The following APAF1 variants were observed in gnomAD, a reference collection of about 807,000 sequenced individuals.
APAF1 encodes apoptotic protease-activating factor 1.
In APAF1, 91 loss-of-function variants were observed where a neutral mutation model predicts 152.4. The observed-to-expected ratio is 0.60, with a 90% CI of 0.50 to 0.71. The LOEUF is 0.71. APAF1 is among the 30% of genes least tolerant of loss of function. The probability of loss-of-function intolerance (pLI) is 0.00; values close to 1 mark genes in which losing one functional copy is unlikely to be tolerated. For synonymous variants in APAF1, 484 were observed against 494.1 expected, an observed-to-expected ratio of 0.98 and a Z score of 0.27; for missense variants, 1,283 against 1,472.0, an observed-to-expected ratio of 0.87 and a Z score of 2.10.
chr12:98,732,427 A>C lies in APAF1; in HGVS notation c.3608A>C (p.Asn1203Thr). The C allele has an allele frequency of 6.2e-7, 1 of 1,613,468 alleles. No homozygotes were observed. Among genetic ancestry groups the C allele is most frequent in the South Asian group, 1.1e-5 (1 of 91,070 alleles). ...TTATTTTTCTCTGAACAGTGGTGGA[A>C]CGTTGTCACTGGGGAATCCTCACAG... The part of the protein sequence containing the change: ...ISAGGYIKWW[N>T]VVTGESSQTF... Residue 1203 changes from asparagine (N) to threonine (T), a missense_variant, in exon 27 of 27, where the codon AAC becomes ACC. Coordinates refer to ENST00000551964, the MANE Select transcript of APAF1 (RefSeq NM_181861.2).
rs923798637 is a variant in APAF1 at position 98,734,944 on chromosome 12, C to T, written c.*2378C>T. 31 of 365,480 alleles carry T rather than the reference C, an allele frequency of 8.5e-5. No homozygotes were observed. Among genetic ancestry groups the T allele is most frequent in the African/African-American group, 6.5e-4 (31 of 47,978 alleles). 22.6% of individuals were successfully genotyped at this position (365,480 alleles called of 1,614,324 possible). A position where few individuals can be genotyped will look rare whatever the true frequency, so the allele number is the denominator to read the frequency against. On this transcript the variant is annotated 3_prime_UTR_variant, in exon 27 of 27. Transcript: ENST00000551964. ...AGGTTTTAAAAAGCCTTGAATGGCC[C>T]TTGTCTTAAAAAGAAATTAGGAGCC... is the stretch of plus-strand genomic sequence containing the variant.
At chr12:98,684,404 C>G (rs1326462047) in intron 15 of APAF1, among the ~76,000 whole-genome samples, 1 of 151,314 alleles carries the variant, frequency 6.6e-6, no homozygotes, top group Admixed American at 6.6e-5. Context: ...CTCTCTCCCT[C>G]TATCCCTTTC....
At chr12:98,723,364 G>T (rs762929388) in intron 23 of APAF1, 52 bp downstream of exon 23, 2 of 1,570,618 alleles carry the variant, frequency 1.3e-6, no homozygotes, top group Admixed American at 3.3e-5. Flanking sequence ...ATATTGCAAT[G>T]ATTATATTGA....
intron 7 of APAF1, among the ~76,000 whole-genome samples, chr12:98,663,590 A>C (rs1189432419): frequency 6.6e-6 from 1 of 152,044 alleles, no homozygotes; most frequent in South Asian, 2.1e-4. Context: ...TAAACAGTCA[A>C]ATCTATCAAC....
chr12:98,682,384 T>C (rs2097693379), intron 14 of APAF1, among the ~76,000 whole-genome samples: 1 of 152,168 alleles, frequency 6.6e-6, no homozygotes. Flanking sequence ...AACTGAACAC[T>C]ATAAGAGGCT....
At chr12:98,692,086 C>A (rs183966567) in intron 16 of APAF1, among the ~76,000 whole-genome samples, 1 of 152,166 alleles carries the variant, frequency 6.6e-6, no homozygotes, top group Admixed American at 6.5e-5. Context: ...TTTTATGTTT[C>A]ATTATTATTT....
At chr12:98,669,874 C>T (rs2097677856) in intron 10 of APAF1, among the ~76,000 whole-genome samples, 1 of 149,472 alleles carries the variant, frequency 6.7e-6, no homozygotes, top group Admixed American at 6.7e-5. Context: ...TCTCCTCCCT[C>T]CCTTCCCCTC....
Position 98,648,830 on chromosome 12 carries a change from TA to T in APAF1, c.328+16del. On this transcript the variant is annotated intron_variant, in intron 3 of 26. Transcript: ENST00000551964. ...AACTTCGTATGGTTTGTATCCATTA[TA>T]CCTTCTATCACTTTGCTATCAAAAT... 6 of 1,609,706 alleles carry T rather than the reference TA, an allele frequency of 3.7e-6. No homozygotes were observed. Among genetic ancestry groups the T allele is most frequent in the Non-Finnish European group, 5.1e-6 (6 of 1,176,490 alleles).
chr12:98,708,438 G>A, intron 19 of APAF1, 147 bp from the exon 20 acceptor site: 1 of 852,376 alleles, frequency 1.2e-6, no homozygotes, highest in Non-Finnish European at 1.8e-6. Flanking sequence ...GATTGTGTTA[G>A]TAAATATTTA....
intron 22 of APAF1, among the ~76,000 whole-genome samples, chr12:98,716,127 G>A (rs775334036): frequency 4.6e-5 from 7 of 152,014 alleles, no homozygotes; most frequent in Non-Finnish European, 7.4e-5. Context: ...CCCATTTCTC[G>A]TTCTCCAGAG....
chr12:98,666,545 G>C (rs375036035), intron 9 of APAF1, among the ~76,000 whole-genome samples, 188 bp downstream of exon 9: 1 of 152,102 alleles, frequency 6.6e-6, no homozygotes, highest in East Asian at 1.9e-4. Flanking sequence ...ATACAATACT[G>C]TTCACTAACC....
At chr12:98,682,528 G>T (rs555537625) in intron 14 of APAF1, among the ~76,000 whole-genome samples, 1 of 152,306 alleles carries the variant, frequency 6.6e-6, no homozygotes, top group South Asian at 2.1e-4. Context: ...ACATTAAACT[G>T]GGAACAGTAA....
At chr12:98,669,756 A>G (rs912736714) in intron 10 of APAF1, among the ~76,000 whole-genome samples, 3 of 152,150 alleles carry the variant, frequency 2.0e-5, no homozygotes, top group African/African-American at 7.2e-5. Flanking sequence ...TTTAAATTTT[A>G]ATACAGATTG....
rs1159839472 is a variant in APAF1, at chr12:98,708,564, ATTTC to A, written c.2722-17_2722-14del. Reference sequence around the variant, plus strand: ...ATGTTATTTTAGAGATGGAATGATAATTTCTTTATCTCTTAATCAGCTCTGGGAG... The same window carrying A: ...ATGTTATTTTAGAGATGGAATGATAATTTATCTCTTAATCAGCTCTGGGAG... On this transcript the variant is annotated splice_polypyrimidine_tract_variant and intron_variant, in intron 19 of 26. Coordinates refer to ENST00000551964, the MANE Select transcript of APAF1 (RefSeq NM_181861.2). 6.2e-7 allele frequency: 1 copy of A among 1,610,388 alleles called. No homozygotes were observed. The highest frequency in any genetic ancestry group is 1.7e-5 in the Admixed American group (1 of 59,918).
At chr12:98,716,638 T>C (rs2097735005) in intron 22 of APAF1, among the ~76,000 whole-genome samples, 1 of 152,222 alleles carries the variant, frequency 6.6e-6, no homozygotes, top group Admixed American at 6.5e-5. Flanking sequence ...GATGATACAC[T>C]GTGTTGTTAG....
chr12:98,661,199 C>T (rs1395373060), intron 5 of APAF1, among the ~76,000 whole-genome samples: 1 of 152,110 alleles, frequency 6.6e-6, no homozygotes, highest in East Asian at 1.9e-4. Context: ...CTGCGCTCGG[C>T]CCCTCCTTCT....
At chr12:98,708,940 CA>C (rs1482601245) in intron 20 of APAF1, among the ~76,000 whole-genome samples, 1 of 152,182 alleles carries the variant, frequency 6.6e-6, no homozygotes, top group African/African-American at 2.4e-5. Context: ...TCTATGATCA[CA>C]TTCTTTGATT....
At chr12:98,701,153 T>C (rs1276109796) in intron 17 of APAF1, among the ~76,000 whole-genome samples, 1 of 152,214 alleles carries the variant, frequency 6.6e-6, no homozygotes, top group African/African-American at 2.4e-5. Context: ...TATTTATGTA[T>C]ATAATGGGCT....
At chr12:98,726,993 C>T (rs538885695) in intron 25 of APAF1, among the ~76,000 whole-genome samples, 180 bp from the exon 26 acceptor site, 1 of 152,148 alleles carries the variant, frequency 6.6e-6, no homozygotes, top group African/African-American at 2.4e-5. Flanking sequence ...AATTAGAGCA[C>T]TGCTTATATA....
Sources: allele counts gnomAD v4.1 joint callset (sites outside exome capture counted in the v4.1 genomes callset), GRCh38; gene constraint gnomAD v4.1.1; transcripts MANE v1.5; gene names NCBI Gene and HGNC (gene_info 2026-07-23, HGNC 2026-07-21).